Variants in TMC5 observed in about 807,000 individuals in gnomAD.
TMC5 encodes the protein transmembrane channel-like protein 5.
TMC5 carries 86 observed loss-of-function variants against 110.5 expected under a neutral mutation model. The observed-to-expected ratio is 0.78, with a 90% CI of 0.65 to 0.93. The LOEUF (loss-of-function observed/expected upper bound fraction) is 0.93, where lower values mean the gene tolerates loss of function less well. TMC5 is among the 40% of genes least tolerant of loss of function. The probability of loss-of-function intolerance (pLI) is 0.00; values close to 1 mark genes in which losing one functional copy is unlikely to be tolerated. For missense variants in TMC5, 1,144 were observed against 1,222.8 expected (o/e 0.94, Z 0.96); for synonymous variants, 455 against 439.5 (o/e 1.04, Z -0.44).
At chr16:19,434,038 TATATATAA>T (rs1967253415) in intron 2 of TMC5, among the ~76,000 whole-genome samples, 4 of 6,544 alleles carry the variant, frequency 6.1e-4, no homozygotes, top group African/African-American at 1.5e-3. Flanking sequence ...CTATATATTA[TATATATAA>T]TATATATAAT....
At chr16:19,475,551 C>T (rs1968467113) in intron 12 of TMC5, among the ~76,000 whole-genome samples, 1 of 152,166 alleles carries the variant, frequency 6.6e-6, no homozygotes, top group South Asian at 2.1e-4. Flanking sequence ...CATTTTCTCC[C>T]CATCCTTCCT....
intron 1 of TMC5, among the ~76,000 whole-genome samples, chr16:19,421,901 G>A (rs1234211939): frequency 1.3e-5 from 2 of 151,180 alleles, no homozygotes; most frequent in African/African-American, 4.9e-5. Context: ...CTGCACTCTG[G>A]CCTGGATAAC....
Position 19,463,365 on chromosome 16 carries a change from C to T in TMC5, c.1234C>T (p.Arg412Trp), listed in dbSNP as rs763938316. The T allele has an allele frequency of 1.7e-5, 27 of 1,611,176 alleles. No homozygotes were observed. The highest frequency in any genetic ancestry group is 1.0e-4 in the Admixed American group (6 of 59,978). Residue 412 changes from arginine (R) to tryptophan (W), a missense_variant and splice_region_variant, in exon 7 of 22, where the codon CGG becomes TGG. Coordinates refer to ENST00000542583, the MANE Select transcript of TMC5 (RefSeq NM_001261841.2). ...CCIQCLNSIS[R>W]AYRRSKNSLS... ...TATTCAGTGTCTGAACTCCATTTCC[C>T]GGGTAAGTCAGTAAAACAGGCACAG...
intron 19 of TMC5, among the ~76,000 whole-genome samples, chr16:19,492,971 T>TAA (rs1968953222): frequency 7.8e-6 from 1 of 127,834 alleles, no homozygotes; most frequent in Admixed American, 8.2e-5. Context: ...CATTTATTTA[T>TAA]TTATTTTGAG....
intron 13 of TMC5, 55 bp downstream of exon 13, chr16:19,477,573 G>C: frequency 1.7e-6 from 2 of 1,193,796 alleles, no homozygotes; most frequent in Middle Eastern, 4.0e-4. Flanking sequence ...TTGACCAACA[G>C]GGAGGACAGG....
At position 19,463,842 on chromosome 16, in the gene TMC5, C is replaced by T. The variant is rs769127961; in HGVS notation, c.1303C>T (p.Leu435=). Reference sequence around the variant, plus strand: ...TTCCATCAGCCTGTGGCAGAAGACGCTGAAGATCATTGGAGGCAAGTTTGG... The same window carrying T: ...TTCCATCAGCCTGTGGCAGAAGACGTTGAAGATCATTGGAGGCAAGTTTGG... ...LNSISLWQKT[L]KIIGGKFGTS... The change falls in exon 8 of 22, where the codon CTG becomes TTG. Residue 435 remains leucine (L), a synonymous_variant. Transcript: ENST00000542583. 1.0e-4 allele frequency: 167 copies of T among 1,614,092 alleles called. No homozygotes were observed. Among genetic ancestry groups the T allele is most frequent in the Non-Finnish European group, 1.4e-4 (163 of 1,180,034 alleles).
intron 2 of TMC5, among the ~76,000 whole-genome samples, chr16:19,436,907 A>T (rs962640298): frequency 1.3e-5 from 2 of 152,168 alleles, no homozygotes; most frequent in African/African-American, 2.4e-5. Context: ...GGCCGGTTGC[A>T]GTGGCTAACA....
Position 19,490,420 on chromosome 16 carries a change from C to T in TMC5, c.2599C>T (p.Pro867Ser). ...ATTGAAGCCTTCAGCTGACTGTGGC[C>T]CTTTTCGAGGTCTGCCTCTCTTCAT... ...WRLKPSADCGPFRGLPLFIHS... is the reference protein window; with the variant it reads ...WRLKPSADCGSFRGLPLFIHS... Residue 867 changes from proline (P) to serine (S), a missense_variant, in exon 18 of 22, where the codon CCT (proline) becomes TCT (serine). Physicochemically the swap from Pro to Ser is moderately conservative, Grantham distance 74 (BLOSUM62 -1). Coordinates refer to ENST00000542583, the MANE Select transcript of TMC5 (RefSeq NM_001261841.2). 6.2e-7 allele frequency: 1 copy of T among 1,614,126 alleles called. No homozygotes were observed. Among genetic ancestry groups the T allele is most frequent in the Non-Finnish European group, 8.5e-7 (1 of 1,180,020 alleles).
At chr16:19,461,334 C>T (rs6497376) in intron 6 of TMC5, among the ~76,000 whole-genome samples, 1 of 152,180 alleles carries the variant, frequency 6.6e-6, no homozygotes, top group Non-Finnish European at 1.5e-5. Flanking sequence ...CCAGCACTTT[C>T]GGAGGCTTAG....
At chr16:19,412,919 A>G (rs1050505508), upstream of TMC5, among the ~76,000 whole-genome samples, 2 of 152,126 alleles carry the variant, frequency 1.3e-5, no homozygotes, top group African/African-American at 4.8e-5. Flanking sequence ...ATTGTAGCTC[A>G]CTGCAGCCTT....
At chr16:19,496,879 G>C (rs1304974514) in intron 20 of TMC5, among the ~76,000 whole-genome samples, 8 of 78,558 alleles carry the variant, frequency 1.0e-4, no homozygotes, top group Non-Finnish European at 1.5e-4. Context: ...GATAAAGCAA[G>C]ACTCTGTCAA....
At chr16:19,432,124 C>A (rs1967208468) in intron 2 of TMC5, among the ~76,000 whole-genome samples, 8 of 152,118 alleles carry the variant, frequency 5.3e-5, no homozygotes, top group Admixed American at 5.2e-4. Flanking sequence ...AGGTAAATAG[C>A]TTGACTGTGA....
At chr16:19,485,425 A>G (rs1175243851) in intron 15 of TMC5, among the ~76,000 whole-genome samples, 1 of 152,126 alleles carries the variant, frequency 6.6e-6, no homozygotes, top group Non-Finnish European at 1.5e-5. Context: ...AAGACCCTAG[A>G]TGTCAAAACG....
intron 1 of TMC5, among the ~76,000 whole-genome samples, chr16:19,422,448 C>T (rs1270962531): frequency 6.6e-6 from 1 of 152,222 alleles, no homozygotes; most frequent in South Asian, 2.1e-4. Flanking sequence ...CTGGATTGCT[C>T]GAGAACCTCC....
rs564949771 is a variant in TMC5 at position 19,460,714 on chromosome 16, C to G, written c.1148+380C>G. ...CTCTGTGCTACTCTCTCCTAAAACCCACAACCCCAGTCTAAACAGCGAAAA... is the reference window on the plus strand; with the variant it reads ...CTCTGTGCTACTCTCTCCTAAAACCGACAACCCCAGTCTAAACAGCGAAAA... On this transcript the variant is annotated intron_variant, in intron 6 of 21. Coordinates refer to ENST00000542583, the MANE Select transcript of TMC5 (RefSeq NM_001261841.2). 2.1e-3 allele frequency among the ~76,000 whole-genome samples: 317 copies of G among 152,292 alleles called. 1 individual carries two copies. Among genetic ancestry groups the G allele is most frequent in the Non-Finnish European group, 3.6e-3 (244 of 68,018 alleles).
At chr16:19,424,818 T>C (rs1451185222) in intron 1 of TMC5, among the ~76,000 whole-genome samples, 6 of 152,168 alleles carry the variant, frequency 3.9e-5, no homozygotes, top group South Asian at 4.1e-4. Flanking sequence ...AATCTCTTCA[T>C]TGAGGGTTTT....
intron 10 of TMC5, 61 bp from the exon 11 acceptor site, chr16:19,472,027 C>T: frequency 1.3e-6 from 2 of 1,568,486 alleles, no homozygotes; most frequent in Non-Finnish European, 1.7e-6. Flanking sequence ...TCCCAAAGTG[C>T]TGGGATTACA....
chr16:19,456,736 C>A (rs1426069893), intron 5 of TMC5: 4 of 1,612,218 alleles, frequency 2.5e-6, no homozygotes, highest in Non-Finnish European at 3.4e-6. Context: ...TGAATGAAAT[C>A]ATCATACAGG....
intron 4 of TMC5, among the ~76,000 whole-genome samples, chr16:19,445,407 A>G (rs1352032783): frequency 6.6e-6 from 1 of 151,890 alleles, no homozygotes; most frequent in Non-Finnish European, 1.5e-5. Flanking sequence ...CATGCCTGGC[A>G]CTTTTTTTAT....
Sources: allele counts gnomAD v4.1 joint callset (sites outside exome capture counted in the v4.1 genomes callset), GRCh38; gene constraint gnomAD v4.1.1; transcripts MANE v1.5; gene names NCBI Gene and HGNC (gene_info 2026-07-23, HGNC 2026-07-21).